Variants in UBE2G2 observed in about 807,000 individuals in gnomAD.
The protein encoded by UBE2G2 is ubiquitin-conjugating enzyme E2 G2.
In UBE2G2, 10 loss-of-function variants were observed where a neutral mutation model predicts 23.0. That is an observed-to-expected ratio of 0.43 (90% CI 0.27 to 0.74). The LOEUF is 0.74. Among genes scored for constraint, UBE2G2 ranks in the 30% least tolerant of loss-of-function variants. The pLI, the probability that UBE2G2 is intolerant of heterozygous loss-of-function variation, is 0.19. For missense variants in UBE2G2, 150 were observed against 218.3 expected, an observed-to-expected ratio of 0.69 and a Z score of 1.97; for synonymous variants, 86 against 81.3, an observed-to-expected ratio of 1.06 and a Z score of -0.31.
intron 1 of UBE2G2, among the ~76,000 whole-genome samples, chr21:44,797,146 CAT>C (rs781993650): frequency 3.0e-4 from 46 of 152,342 alleles, no homozygotes; most frequent in African/African-American, 9.6e-4. Context: ...ACCTTCTACA[CAT>C]AGTCCAAAAT....
intron 1 of UBE2G2, among the ~76,000 whole-genome samples, chr21:44,791,469 T>A (rs1469612990): frequency 1.3e-5 from 2 of 152,194 alleles, no homozygotes; most frequent in Non-Finnish European, 2.9e-5. Context: ...AGGGCCAAGG[T>A]ACAGCTCAGG....
chr21:44,801,016 G>T (rs895960321), intron 1 of UBE2G2: 2 of 152,276 alleles, frequency 1.3e-5, no homozygotes, highest in African/African-American at 4.8e-5. Flanking sequence ...GTCTCCATCG[G>T]CGACTCAGGC....
chr21:44,787,895 A>G, intron 3 of UBE2G2, 25 bp downstream of exon 3: 1 of 1,611,902 alleles, frequency 6.2e-7, no homozygotes, highest in Non-Finnish European at 8.5e-7. Flanking sequence ...AGCCCTAAAA[A>G]CTAGTACACC....
At chr21:44,792,995 A>T (rs2083057371) in intron 1 of UBE2G2, among the ~76,000 whole-genome samples, 1 of 152,248 alleles carries the variant, frequency 6.6e-6, no homozygotes, top group South Asian at 2.1e-4. Flanking sequence ...CTTGGATTTC[A>T]CAAGCCACAC....
intron 3 of UBE2G2, among the ~76,000 whole-genome samples, chr21:44,784,942 C>T (rs1221234934): frequency 6.6e-6 from 1 of 152,174 alleles, no homozygotes; most frequent in Non-Finnish European, 1.5e-5. Context: ...ACGCCTTGTC[C>T]GGCCACTGGG....
chr21:44,786,353 A>T (rs979793831), intron 3 of UBE2G2, among the ~76,000 whole-genome samples: 1 of 152,198 alleles, frequency 6.6e-6, no homozygotes, highest in Non-Finnish European at 1.5e-5. Context: ...CCATCTCATA[A>T]CTGCCTTGGG....
chr21:44,778,273 A>G (rs1241012223), intron 3 of UBE2G2, among the ~76,000 whole-genome samples: 1 of 152,246 alleles, frequency 6.6e-6, no homozygotes, highest in African/African-American at 2.4e-5. Context: ...TCACTGCTGC[A>G]TGCTCGGTGA....
chr21:44,801,584 C>CT, intron 1 of UBE2G2, 122 bp downstream of exon 1: 2 of 1,321,140 alleles, frequency 1.5e-6, no homozygotes, highest in South Asian at 1.7e-5. Flanking sequence ...CACAGGGGGG[C>CT]TCACGGTGGA....
chr21:44,778,666 T>C (rs1333092698), intron 3 of UBE2G2, among the ~76,000 whole-genome samples: 1 of 152,210 alleles, frequency 6.6e-6, no homozygotes, highest in Non-Finnish European at 1.5e-5. Context: ...GCACCATCTT[T>C]CTTTGATAAG....
chr21:44,792,149 G>A (rs1448128893), intron 1 of UBE2G2, among the ~76,000 whole-genome samples: 1 of 152,212 alleles, frequency 6.6e-6, no homozygotes, highest in Non-Finnish European at 1.5e-5. Context: ...CAGGCTGCTA[G>A]GCAGAGGGGA....
At chr21:44,780,289 T>C (rs1302244778) in intron 3 of UBE2G2, among the ~76,000 whole-genome samples, 3 of 152,334 alleles carry the variant, frequency 2.0e-5, no homozygotes, top group South Asian at 2.1e-4. Flanking sequence ...TGCAGCAGCA[T>C]GCCTGACCCC....
In UBE2G2 at chr21:44,770,473, A is replaced by C. The variant is rs1423681006; in HGVS notation, c.*904T>G. 1.3e-5 allele frequency: 2 copies of C among 152,204 alleles called. No individual in the cohort carries two copies. The highest frequency in any genetic ancestry group is 1.3e-4 in the Admixed American group (2 of 15,272). 9.4% of individuals were successfully genotyped at this position (152,204 alleles called of 1,614,324 possible). ...CGCTCTGTTGCCCAGGCTGGAGTGC[A>C]GTGGCGGGACTTCAGCTCACTGCTA... is the stretch of plus-strand genomic sequence containing the variant. On this transcript the variant is annotated 3_prime_UTR_variant, in exon 6 of 6. Coordinates refer to ENST00000345496, the MANE Select transcript of UBE2G2 (RefSeq NM_003343.6).
intron 1 of UBE2G2, among the ~76,000 whole-genome samples, chr21:44,791,689 G>A (rs1166409757): frequency 6.6e-6 from 1 of 152,244 alleles, no homozygotes; most frequent in African/African-American, 2.4e-5. Flanking sequence ...GAAGGGAAAT[G>A]TGGGGTTGGA....
chr21:44,787,830 T>A, intron 3 of UBE2G2, 90 bp downstream of exon 3: 1 of 1,455,834 alleles, frequency 6.9e-7, no homozygotes, highest in South Asian at 1.3e-5. Context: ...TTCCAGCTGA[T>A]GCTTTTGGAC....
chr21:44,801,366 T>C (rs1027923036), intron 1 of UBE2G2: 5 of 1,134,346 alleles, frequency 4.4e-6, no homozygotes, highest in Non-Finnish European at 5.4e-6. Flanking sequence ...AGTCAGGCCT[T>C]CTTCCTCAAG....
At chr21:44,777,240 G>T in intron 4 of UBE2G2, 59 bp downstream of exon 4, 2 of 1,398,120 alleles carry the variant, frequency 1.4e-6, no homozygotes, top group Non-Finnish European at 2.0e-6. Context: ...TCAGGTGGCT[G>T]ATAATATTAT....
chr21:44,774,209 T>G (rs1370584518), intron 4 of UBE2G2: 1 of 153,474 alleles, frequency 6.5e-6, no homozygotes, highest in Admixed American at 6.5e-5. Context: ...CTTACTCTAA[T>G]AATAAGTAAA....
At chr21:44,794,234 G>A (rs1012943178) in intron 1 of UBE2G2, among the ~76,000 whole-genome samples, 5 of 152,306 alleles carry the variant, frequency 3.3e-5, no homozygotes, top group South Asian at 4.1e-4. Context: ...TGTTTAAGCC[G>A]TGCCCAGCCT....
Position 44,771,201 on chromosome 21 carries a change from C to T in UBE2G2, c.*176G>A. The T allele has an allele frequency of 1.2e-5, 7 of 596,022 alleles. No homozygotes were observed. Among genetic ancestry groups the T allele is most frequent in the Non-Finnish European group, 1.8e-5 (6 of 340,766 alleles). The allele number at this position is 596,022 out of a possible 1,614,324, so 36.9% of individuals were successfully genotyped here. On this transcript the variant is annotated 3_prime_UTR_variant, in exon 6 of 6. Transcript: ENST00000345496. The surrounding 1 kb of genome is among the most constrained non-coding windows in gnomAD (Gnocchi z 4.6). ...CTGTCAATATTCGACATTAAGTCAT[C>T]ATTTCAGAAGAGAAGCCTGTTTGAA...
Sources: gnomAD v4.1 joint callset for allele counts (sites outside exome capture counted in the v4.1 genomes callset) on GRCh38, gnomAD v4.1.1 for gene constraint, Gnocchi (gnomAD v3.1) non-coding constraint, MANE v1.5 for transcripts, NCBI Gene and HGNC (gene_info 2026-07-23, HGNC 2026-07-21) for gene names.